Variants in DTNA observed in about 807,000 individuals in gnomAD.
DTNA encodes dystrophin-related protein 3.
Under a neutral mutation model 100.7 loss-of-function variants are expected in DTNA, and 43 were observed. The observed-to-expected ratio is 0.43, with a 90% CI of 0.33 to 0.55. The LOEUF is 0.55. Among genes scored for constraint, DTNA ranks in the 20% least tolerant of loss-of-function variants. The probability of loss-of-function intolerance (pLI) is 0.04; values close to 1 mark genes in which losing one functional copy is unlikely to be tolerated. For synonymous variants in DTNA, 349 were observed against 347.9 expected (o/e 1.00, Z -0.04); for missense variants, 798 against 953.9 (o/e 0.84, Z 2.15).
At chr18:34,838,219 A>G in intron 12 of DTNA, 48 bp downstream of exon 12, 1 of 1,595,416 alleles carries the variant, frequency 6.3e-7, no homozygotes. Context: ...ACTAAACTAA[A>G]AATGGAGATT....
intron 1 of DTNA, among the ~76,000 whole-genome samples, chr18:34,748,937 A>G (rs905701348): frequency 1.3e-5 from 2 of 152,180 alleles, no homozygotes; most frequent in African/African-American, 4.8e-5. Context: ...ATCCATGAGC[A>G]TGGGGTGTGT....
At position 34,506,957 on chromosome 18, in the gene DTNA, C is replaced by T. The variant is rs529151588; in HGVS notation, c.-2+13443C>T. On this transcript the variant is annotated intron_variant, in intron 1 of 19. Transcript: ENST00000283365. ...GCATAAACTGAAAAAATATCACTCC[C>T]GTTGATTCTCAGAGGATAAACCTCA... Among the ~76,000 whole-genome samples, 8 of 152,274 alleles carry T rather than the reference C, an allele frequency of 5.3e-5. No homozygotes were observed. In the East Asian group the frequency reaches 1.2e-3, roughly 22 times the overall value.
intron 1 of DTNA, among the ~76,000 whole-genome samples, chr18:34,743,064 G>GA (rs1408396499): frequency 6.6e-6 from 1 of 152,022 alleles, no homozygotes; most frequent in Non-Finnish European, 1.5e-5. Context: ...CTTAATTTCA[G>GA]AAAAAATTCT....
At chr18:34,755,491 G>C (rs373687719) in intron 1 of DTNA, 1 of 171,762 alleles carries the variant, frequency 5.8e-6, no homozygotes, top group African/African-American at 2.4e-5. Flanking sequence ...GTGTATAAGG[G>C]ACAACTGGCA....
At chr18:34,551,785 T>C (rs1428801937) in intron 1 of DTNA, among the ~76,000 whole-genome samples, 1 of 152,190 alleles carries the variant, frequency 6.6e-6, no homozygotes, top group East Asian at 1.9e-4. Flanking sequence ...TGCATCCCTG[T>C]ACCAAGCTTA....
intron 16 of DTNA, 28 bp from the exon 17 acceptor site, chr18:34,863,938 C>G: frequency 6.3e-7 from 1 of 1,589,498 alleles, no homozygotes; most frequent in Non-Finnish European, 8.6e-7. Context: ...TTGCATGCCG[C>G]TTCTGATGTC....
intron 20 of DTNA, among the ~76,000 whole-genome samples, chr18:34,881,830 T>G (rs1370095669): frequency 6.7e-6 from 1 of 150,240 alleles, no homozygotes; most frequent in Admixed American, 6.6e-5. Flanking sequence ...AAAAGATAAA[T>G]GACCAATGAT....
At chr18:34,761,384 A>G (rs2093160497) in intron 2 of DTNA, among the ~76,000 whole-genome samples, 1 of 151,676 alleles carries the variant, frequency 6.6e-6, no homozygotes, top group Non-Finnish European at 1.5e-5. Flanking sequence ...AAATGTTCAG[A>G]GTGCAAAAGC....
chr18:34,575,267 C>T (rs934614077), intron 1 of DTNA, among the ~76,000 whole-genome samples: 1 of 152,120 alleles, frequency 6.6e-6, no homozygotes, highest in African/African-American at 2.4e-5. Flanking sequence ...AATGCATAAG[C>T]TTCTTTTAGT....
intron 9 of DTNA, among the ~76,000 whole-genome samples, chr18:34,825,103 C>T (rs2095829390): frequency 6.6e-6 from 1 of 151,492 alleles, no homozygotes; most frequent in Admixed American, 6.6e-5. Flanking sequence ...TTTTTTTCTA[C>T]CCACCTTGTA....
At chr18:34,599,944 C>T (rs2051441779) in intron 1 of DTNA, among the ~76,000 whole-genome samples, 2 of 152,184 alleles carry the variant, frequency 1.3e-5, no homozygotes, top group Non-Finnish European at 2.9e-5. Flanking sequence ...TTCCAAAGTG[C>T]TGGGATTACA....
At chr18:34,749,924 G>C (rs1452448457) in intron 1 of DTNA, among the ~76,000 whole-genome samples, 1 of 152,080 alleles carries the variant, frequency 6.6e-6, no homozygotes, top group Non-Finnish European at 1.5e-5. Flanking sequence ...AATATCAAAG[G>C]CCTTCCTCAT....
chr18:34,692,927 C>T (rs1002822569), intron 1 of DTNA, among the ~76,000 whole-genome samples: 3 of 152,022 alleles, frequency 2.0e-5, no homozygotes, highest in Non-Finnish European at 4.4e-5. Context: ...AAACGAATTT[C>T]TTTAGAATGC....
intron 2 of DTNA, chr18:34,757,396 A>G (rs1439006462): frequency 1.3e-5 from 2 of 152,210 alleles, no homozygotes; most frequent in Admixed American, 6.5e-5. Flanking sequence ...ATAAGACATC[A>G]TGGGACAATG....
At chr18:34,577,567 T>G (rs982409297) in intron 1 of DTNA, among the ~76,000 whole-genome samples, 2 of 152,126 alleles carry the variant, frequency 1.3e-5, no homozygotes, top group African/African-American at 4.8e-5. Context: ...CCATTTGTAG[T>G]CTTTTATCCC....
At chr18:34,848,420 T>C (rs763755479) in intron 14 of DTNA, 37 bp downstream of exon 14, 4 of 1,600,120 alleles carry the variant, frequency 2.5e-6, no homozygotes, top group Non-Finnish European at 2.6e-6. Flanking sequence ...TCTGTTGGCA[T>C]CTGGGATCCT....
intron 5 of DTNA, among the ~76,000 whole-genome samples, 181 bp from the exon 6 acceptor site, chr18:34,811,778 A>T (rs1380948774): frequency 1.3e-5 from 2 of 152,228 alleles, no homozygotes; most frequent in African/African-American, 2.4e-5. Context: ...ATCATCTACA[A>T]AAAGAAACCA....
chr18:34,593,491 G>A (rs1405890804), intron 1 of DTNA: 1 of 152,184 alleles, frequency 6.6e-6, no homozygotes, highest in African/African-American at 2.4e-5. Context: ...TGTTCTGGAT[G>A]TACTGGAATT....
chr18:34,697,356 C>A (rs908822316), intron 1 of DTNA, among the ~76,000 whole-genome samples: 1 of 152,206 alleles, frequency 6.6e-6, no homozygotes, highest in African/African-American at 2.4e-5. Context: ...GTGCTTCTTT[C>A]TTCAAAAATA....
Sources: gnomAD v4.1 joint callset for allele counts (sites outside exome capture counted in the v4.1 genomes callset) on GRCh38, gnomAD v4.1.1 for gene constraint, MANE v1.5 for transcripts, NCBI Gene and HGNC (gene_info 2026-07-23, HGNC 2026-07-21) for gene names.